The following CSMD1 variants were observed in gnomAD, a reference collection of about 807,000 sequenced individuals.
CSMD1 encodes the protein CUB and Sushi multiple domains 1.
A neutral mutation model predicts 417.5 loss-of-function variants in CSMD1; 213 were observed. The observed-to-expected ratio is 0.51, with a 90% CI of 0.46 to 0.57. The LOEUF is 0.57. Among genes scored for constraint, CSMD1 ranks in the 20% least tolerant of loss-of-function variants. CSMD1 has a pLI of 0.00. For missense variants in CSMD1, 6,923 were observed against 4,529.7 expected, an observed-to-expected ratio of 1.53 and a Z score of -15.17; for synonymous variants, 2,862 against 1,736.8, an observed-to-expected ratio of 1.65 and a Z score of -16.11.
At chr8:4,016,469 GC>G (rs1286346641) in intron 4 of CSMD1, among the ~76,000 whole-genome samples, 3 of 152,110 alleles carry the variant, frequency 2.0e-5, no homozygotes, top group Non-Finnish European at 4.4e-5. Context: ...TCAGGCCTCT[GC>G]CCAAGAATGC....
intron 1 of CSMD1, among the ~76,000 whole-genome samples, chr8:4,820,110 G>C (rs1799437310): frequency 6.6e-6 from 1 of 152,094 alleles, no homozygotes; most frequent in Non-Finnish European, 1.5e-5. Flanking sequence ...AGGCAAATCT[G>C]AGCTGGGACA....
rs115495190 is a variant in CSMD1, at chr8:4,430,236, T to C, written c.303-10171A>G. 6.6e-3 allele frequency among the ~76,000 whole-genome samples: 1,008 copies of C among 152,272 alleles called. 5 individuals are homozygous for C. The highest frequency in any genetic ancestry group is 0.023 in the African/African-American group (941 of 41,550). ...GGCCCCAGCTTTCTCATGCCATGAA[T>C]ACTGGGTCGGAGAAGAAATTTTCTA... On this transcript the variant is annotated intron_variant, in intron 2 of 69. Transcript: ENST00000635120.
rs369396383 is a variant in CSMD1, at chr8:3,698,815, C to T, written c.1009+9599G>A. On this transcript the variant is annotated intron_variant, in intron 7 of 69. Transcript: ENST00000635120. Reference sequence around the variant, plus strand: ...ATCTGGTTATCTGGAAAATTATGGCCTGATGAAAATGTCCGTGGGAAAATG... The same window carrying T: ...ATCTGGTTATCTGGAAAATTATGGCTTGATGAAAATGTCCGTGGGAAAATG... 2.6e-5 allele frequency among the ~76,000 whole-genome samples: 4 copies of T among 152,280 alleles called. No individual in the cohort carries two copies. The East Asian group carries it at 7.7e-4, about 29-fold the overall frequency.
chr8:4,420,115 A>C (rs1047529366), intron 2 of CSMD1, 50 bp from the exon 3 acceptor site: 4 of 1,275,766 alleles, frequency 3.1e-6, no homozygotes, highest in Non-Finnish European at 4.2e-6. Flanking sequence ...TGAATTTGTC[A>C]AAAAAAGCTT....
chr8:3,752,497 A>T (rs1348194769), intron 6 of CSMD1, among the ~76,000 whole-genome samples: 1 of 151,818 alleles, frequency 6.6e-6, no homozygotes, highest in Non-Finnish European at 1.5e-5. Context: ...TCTACTAAAA[A>T]TACAAAATTA....
At position 4,431,790 on chromosome 8, in the gene CSMD1, A is replaced by C. The variant is rs77816635; in HGVS notation, c.303-11725T>G. Among the ~76,000 whole-genome samples the C allele has an allele frequency of 5.1e-3, 783 of 152,284 alleles. 7 individuals carry two copies. The highest frequency in any genetic ancestry group is 0.018 in the African/African-American group (750 of 41,580). On this transcript the variant is annotated intron_variant, in intron 2 of 69. Transcript: ENST00000635120. ...ACCTGGCATGTATTAGAAATGTAGCAAATGCTTAATAAGTTGGTAACATAC... is the reference window on the plus strand; with the variant it reads ...ACCTGGCATGTATTAGAAATGTAGCCAATGCTTAATAAGTTGGTAACATAC...
intron 56 of CSMD1, among the ~76,000 whole-genome samples, 172 bp downstream of exon 56, chr8:2,974,279 G>A (rs569829907): frequency 6.6e-6 from 1 of 152,360 alleles, no homozygotes; most frequent in Non-Finnish European, 1.5e-5. Flanking sequence ...TTGCGAAGAT[G>A]AAGACAATAT....
At chr8:4,804,422 G>A (rs964322280) in intron 1 of CSMD1, among the ~76,000 whole-genome samples, 2 of 151,456 alleles carry the variant, frequency 1.3e-5, no homozygotes, top group African/African-American at 4.8e-5. Context: ...TGCAATTACT[G>A]AATAAATTGC....
rs1585804638 is a variant in CSMD1, at chr8:3,252,771, T to A, written c.4154-22540A>T. On this transcript the variant is annotated intron_variant, in intron 26 of 69. Transcript: ENST00000635120. ...TATTCGTCTCTTCAGAGATTCAACT[T>A]CTTCCTCGTTTAGTCTTGGGAGGGT... Among the ~76,000 whole-genome samples, 3 of 152,368 alleles carry A rather than the reference T, an allele frequency of 2.0e-5. No homozygotes were observed. The East Asian group carries it at 5.8e-4, about 29-fold the overall frequency.
Position 4,322,470 on chromosome 8 carries a change from G to A in CSMD1, c.415+97483C>T, listed in dbSNP as rs896273745. ...AGTAGGAAAAACCCATAGCTCTTAG[G>A]GATTAAAAGAGTGAAAGCTGTATGC... On this transcript the variant is annotated intron_variant, in intron 3 of 69. Coordinates refer to ENST00000635120, the MANE Select transcript of CSMD1 (RefSeq NM_033225.6). 3.3e-4 allele frequency among the ~76,000 whole-genome samples: 50 copies of A among 152,052 alleles called. 1 individual carries two copies. Among genetic ancestry groups the A allele is most frequent in the Admixed American group, 3.1e-3 (48 of 15,260 alleles).
intron 1 of CSMD1, among the ~76,000 whole-genome samples, chr8:4,662,512 T>C (rs1272651804): frequency 6.6e-6 from 1 of 152,224 alleles, no homozygotes; most frequent in Non-Finnish European, 1.5e-5. Context: ...TGGTGAAAAG[T>C]CCATCTGTGT....
chr8:3,424,224 G>C (rs987742846), intron 12 of CSMD1, among the ~76,000 whole-genome samples: 1 of 152,100 alleles, frequency 6.6e-6, no homozygotes, highest in African/African-American at 2.4e-5. Flanking sequence ...GTATCTAAGA[G>C]CATAATGAAA....
chr8:3,050,787 A>T (rs1342628123), intron 50 of CSMD1, among the ~76,000 whole-genome samples: 1 of 152,240 alleles, frequency 6.6e-6, no homozygotes, highest in Non-Finnish European at 1.5e-5. Flanking sequence ...GTCTATTTAT[A>T]TCTAAGTATA....
chr8:2,975,933 T>A (rs897210440), intron 55 of CSMD1, among the ~76,000 whole-genome samples: 1 of 151,884 alleles, frequency 6.6e-6, no homozygotes, highest in Non-Finnish European at 1.5e-5. Flanking sequence ...CAAATGGAAG[T>A]CTCACACAAG....
At chr8:4,143,608 T>C (rs1055022512) in intron 3 of CSMD1, among the ~76,000 whole-genome samples, 34 of 151,210 alleles carry the variant, frequency 2.2e-4, no homozygotes, top group African/African-American at 7.9e-4. Flanking sequence ...GTGATGCCCA[T>C]GGCACTCTGA....
At chr8:3,783,795 G>A (rs1439087972) in intron 5 of CSMD1, among the ~76,000 whole-genome samples, 1 of 152,156 alleles carries the variant, frequency 6.6e-6, no homozygotes, top group African/African-American at 2.4e-5. Flanking sequence ...GAGACACTGA[G>A]GCTTCCATAT....
chr8:4,578,857 C>T (rs188481603), intron 2 of CSMD1, among the ~76,000 whole-genome samples: 13 of 147,104 alleles, frequency 8.8e-5, no homozygotes, highest in South Asian at 8.7e-4. Flanking sequence ...GCAGAAATGG[C>T]GGCATTATAG....
At chr8:3,374,755 G>A (rs980980118) in intron 18 of CSMD1, among the ~76,000 whole-genome samples, 14 of 152,030 alleles carry the variant, frequency 9.2e-5, no homozygotes, top group African/African-American at 2.4e-4. Flanking sequence ...AGGATCCTAC[G>A]GCTTCCTACT....
At chr8:3,720,975 C>T (rs974603974) in intron 6 of CSMD1, among the ~76,000 whole-genome samples, 3 of 150,662 alleles carry the variant, frequency 2.0e-5, no homozygotes, top group African/African-American at 7.4e-5. Flanking sequence ...ACCACTACAC[C>T]CGGCTAATTT....
Sources: gnomAD v4.1 joint callset for allele counts (sites outside exome capture counted in the v4.1 genomes callset) on GRCh38, gnomAD v4.1.1 for gene constraint, MANE v1.5 for transcripts, NCBI Gene and HGNC (gene_info 2026-07-23, HGNC 2026-07-21) for gene names.